LRP1B: variants seen among roughly 807,000 people sequenced by gnomAD.
The protein encoded by LRP1B is low-density lipoprotein receptor-related protein 1B.
LRP1B carries 217 observed loss-of-function variants against 556.6 expected under a neutral mutation model. The ratio of observed to expected loss-of-function variants is 0.39; its 90% CI spans 0.35 to 0.44. LRP1B has a LOEUF of 0.44. LRP1B is among the 20% of genes least tolerant of loss of function. The probability of loss-of-function intolerance (pLI) is 1.00; values close to 1 mark genes in which losing one functional copy is unlikely to be tolerated. For missense variants in LRP1B, 5,053 were observed against 5,620.8 expected (o/e 0.90, Z 3.23); for synonymous variants, 2,047 against 1,865.8 (o/e 1.10, Z -2.50).
intron 41 of LRP1B, among the ~76,000 whole-genome samples, chr2:140,666,939 C>T (rs1459184451): frequency 6.6e-6 from 1 of 152,204 alleles, no homozygotes; most frequent in African/African-American, 2.4e-5. Context: ...ACTCTTTTCC[C>T]TTGCATTAAG....
chr2:141,363,146 T>C (rs72979080), intron 3 of LRP1B, among the ~76,000 whole-genome samples: 9,502 of 152,302 alleles, frequency 0.062, 407 homozygotes, highest in African/African-American at 0.11. Context: ...TTTCTTTTTC[T>C]GATATATGAC....
chr2:141,618,053 G>A (rs1688372796), intron 2 of LRP1B, among the ~76,000 whole-genome samples: 1 of 152,140 alleles, frequency 6.6e-6, no homozygotes, highest in African/African-American at 2.4e-5. Flanking sequence ...CCAAATCAAA[G>A]TCCTGAGTGT....
Position 141,717,551 on chromosome 2 carries a change from A to G in LRP1B, c.205+92728T>C, listed in dbSNP as rs555885632. ...TGGAAACAACAGTTAAAGCTGATTC[A>G]ATCTAGGGCTGTTCTTCTGAGACTG... On this transcript the variant is annotated intron_variant, in intron 2 of 90. Transcript: ENST00000389484. Among the ~76,000 whole-genome samples, 3 of 152,216 alleles carry G rather than the reference A, an allele frequency of 2.0e-5. No homozygotes were observed. The South Asian group carries it at 6.2e-4, about 32-fold the overall frequency.
chr2:140,562,767 T>G (rs1680978006), intron 43 of LRP1B, among the ~76,000 whole-genome samples: 1 of 151,900 alleles, frequency 6.6e-6, no homozygotes, highest in Non-Finnish European at 1.5e-5. Flanking sequence ...TTTACAGGCA[T>G]GCACCACCAC....
At chr2:141,916,984 G>T (rs1366445994) in intron 1 of LRP1B, among the ~76,000 whole-genome samples, 2 of 152,008 alleles carry the variant, frequency 1.3e-5, no homozygotes, top group Non-Finnish European at 2.9e-5. Context: ...GACAAAATGG[G>T]TATCTTTGTA....
intron 1 of LRP1B, among the ~76,000 whole-genome samples, chr2:141,918,758 T>A (rs1234104515): frequency 6.6e-6 from 1 of 152,156 alleles, no homozygotes; most frequent in East Asian, 1.9e-4. Flanking sequence ...CCAGTAATAC[T>A]ACTTACTTAT....
intron 3 of LRP1B, among the ~76,000 whole-genome samples, chr2:141,374,971 A>C (rs995783534): frequency 2.6e-5 from 4 of 152,158 alleles, no homozygotes; most frequent in African/African-American, 7.2e-5. Flanking sequence ...TTGTGTTGAC[A>C]TCTGCACATC....
At chr2:140,694,081 T>A (rs1686340397) in intron 41 of LRP1B, among the ~76,000 whole-genome samples, 1 of 152,178 alleles carries the variant, frequency 6.6e-6, no homozygotes, top group Admixed American at 6.5e-5. Context: ...TTTGCTTTTT[T>A]TAAAAAATAT....
chr2:140,505,230 C>T (rs72901714), intron 53 of LRP1B, among the ~76,000 whole-genome samples: 31,048 of 152,054 alleles, frequency 0.2, 3,722 homozygotes, highest in Non-Finnish European at 0.27. Flanking sequence ...ATTAAACATA[C>T]TTTACAGATG....
chr2:141,777,382 A>G (rs993622748), intron 2 of LRP1B, among the ~76,000 whole-genome samples: 25 of 152,194 alleles, frequency 1.6e-4, no homozygotes, highest in Non-Finnish European at 2.5e-4. Context: ...ATAAAAGGTG[A>G]ATCTGCAAAT....
intron 11 of LRP1B, among the ~76,000 whole-genome samples, chr2:141,036,489 C>A (rs1010689568): frequency 3.3e-5 from 5 of 152,074 alleles, no homozygotes; most frequent in Non-Finnish European, 5.9e-5. Flanking sequence ...AGACCTTCCA[C>A]CTCCCTGAAG....
At chr2:141,367,825 G>T (rs2105583717) in intron 3 of LRP1B, among the ~76,000 whole-genome samples, 1 of 151,924 alleles carries the variant, frequency 6.6e-6, no homozygotes, top group Non-Finnish European at 1.5e-5. Flanking sequence ...TATTTATAAG[G>T]TTCATTAAAT....
At chr2:141,030,800 G>A (rs1698347118) in intron 11 of LRP1B, among the ~76,000 whole-genome samples, 1 of 151,762 alleles carries the variant, frequency 6.6e-6, no homozygotes, top group African/African-American at 2.4e-5. Context: ...AATTGCATAG[G>A]AATAATAAAG....
chr2:140,636,017 T>G (rs558659444), intron 41 of LRP1B, among the ~76,000 whole-genome samples: 191 of 152,216 alleles, frequency 1.3e-3, no homozygotes, highest in African/African-American at 4.2e-3. Context: ...AGTTCACAAG[T>G]CTTTTATCAA....
chr2:141,181,888 G>C (rs932348242), intron 7 of LRP1B, among the ~76,000 whole-genome samples: 2 of 151,960 alleles, frequency 1.3e-5, no homozygotes, highest in African/African-American at 4.8e-5. Context: ...AAGAATGTGA[G>C]TCCTATATAA....
rs1463362669 is a variant in LRP1B, at chr2:141,607,434, A to G, written c.206-126901T>C. On this transcript the variant is annotated intron_variant, in intron 2 of 90. Transcript: ENST00000389484. ...AAGAGAAGCCACTGATCTCTAGTAG[A>G]TAGTAGTCATGCACTATCTCTAGAG... Among the ~76,000 whole-genome samples, 3 of 152,122 alleles carry G rather than the reference A, an allele frequency of 2.0e-5. No homozygotes were observed. The East Asian group carries it at 5.8e-4, about 29-fold the overall frequency.
At chr2:142,030,765 A>T (rs528528961) in intron 1 of LRP1B, among the ~76,000 whole-genome samples, 6 of 151,850 alleles carry the variant, frequency 4.0e-5, no homozygotes, top group Non-Finnish European at 8.8e-5. Context: ...CCTAGAAAGA[A>T]ATCAGTCTTG....
At chr2:142,008,215 CCT>C (rs1574587487) in intron 1 of LRP1B, among the ~76,000 whole-genome samples, 1 of 152,190 alleles carries the variant, frequency 6.6e-6, no homozygotes, top group African/African-American at 2.4e-5. Flanking sequence ...AAGCTAAGAT[CCT>C]CTGTCTTCTA....
chr2:141,044,649 A>G (rs1698813042), intron 11 of LRP1B, among the ~76,000 whole-genome samples: 4 of 152,130 alleles, frequency 2.6e-5, no homozygotes, highest in Admixed American at 2.6e-4. Context: ...ACATTTATGC[A>G]CCAAAAGACA....
Sources: gnomAD v4.1 joint callset for allele counts (sites outside exome capture counted in the v4.1 genomes callset) on GRCh38, gnomAD v4.1.1 for gene constraint, MANE v1.5 for transcripts, NCBI Gene and HGNC (gene_info 2026-07-23, HGNC 2026-07-21) for gene names.